CEP57L1: variants seen among roughly 807,000 people sequenced by gnomAD.
CEP57L1 encodes the protein centrosomal protein 57 like 1.
CEP57L1 carries 37 observed loss-of-function variants against 61.0 expected under a neutral mutation model. The observed-to-expected ratio is 0.61, with a 90% CI of 0.47 to 0.80. CEP57L1 has a LOEUF of 0.80. Ranked by LOEUF, CEP57L1 falls within the 30% of genes least tolerant of loss-of-function variation. The pLI is 0.00. For missense variants in CEP57L1, 422 were observed against 524.7 expected (o/e 0.80, Z 1.91); for synonymous variants, 137 against 162.3 (o/e 0.84, Z 1.19).
rs539277002 is a variant in CEP57L1, at chr6:109,153,684, G to T, written c.463-149G>T. On this transcript the variant is annotated intron_variant, in intron 4 of 10. Coordinates refer to ENST00000517392, the MANE Select transcript of CEP57L1 (RefSeq NM_001271852.3). ...TATTTGATTTTCTTGTTTTTTGCTT[G>T]TAAGCATCTAAAGTATGTGTGTTTG... The T allele has an allele frequency of 9.1e-6, 5 of 548,458 alleles. No homozygotes were observed. The Admixed American group carries it at 1.6e-4, about 17-fold the overall frequency. The allele number at this position is 548,458 out of a possible 1,614,324, so 34.0% of individuals were successfully genotyped here.
Position 109,164,968 on chromosome 6 carries a change from C to T in CEP57L1, c.*1998C>T, listed in dbSNP as rs1026493321. On this transcript the variant is annotated 3_prime_UTR_variant, in exon 11 of 11. Coordinates refer to ENST00000517392, the MANE Select transcript of CEP57L1 (RefSeq NM_001271852.3). ...TGGCGCATGCCTGTAATCCCAGCTA[C>T]TTGGGAGACTGAGGCAGGGGAATCG... 1.3e-5 allele frequency among the ~76,000 whole-genome samples: 2 copies of T among 151,424 alleles called. No homozygotes were observed. The highest frequency in any genetic ancestry group is 1.3e-4 in the Admixed American group (2 of 15,186).
chr6:109,102,648 T>A (rs1275187390), intron 1 of CEP57L1, among the ~76,000 whole-genome samples: 2 of 151,984 alleles, frequency 1.3e-5, no homozygotes, highest in Non-Finnish European at 2.9e-5. Context: ...ATCCATTTTT[T>A]AGTTTTTTTT....
intron 1 of CEP57L1, among the ~76,000 whole-genome samples, chr6:109,106,847 G>A (rs1262110596): frequency 6.6e-6 from 1 of 152,080 alleles, no homozygotes; most frequent in Non-Finnish European, 1.5e-5. Context: ...GGCTGAGGCG[G>A]GAAAATTTCT....
chr6:109,155,766 A>G (rs1378058489), intron 6 of CEP57L1, 25 bp from the exon 7 acceptor site: 2 of 1,206,998 alleles, frequency 1.7e-6, no homozygotes, highest in Non-Finnish European at 2.4e-6. Context: ...AATCAATGTT[A>G]TAACCTTTTT....
chr6:109,142,945 T>TGCTC (rs1771549157), intron 1 of CEP57L1, among the ~76,000 whole-genome samples: 1 of 34,640 alleles, frequency 2.9e-5, no homozygotes, highest in Non-Finnish European at 6.4e-5. Flanking sequence ...CTGTCTCTCT[T>TGCTC]GCTCTCTCTC....
chr6:109,145,419 T>G, intron 2 of CEP57L1, 38 bp downstream of exon 2: 1 of 1,418,584 alleles, frequency 7.0e-7, no homozygotes. Context: ...GGTAAAAACA[T>G]GCTATAAAAA....
chr6:109,158,456 C>T lies in CEP57L1; in HGVS notation c.745-569C>T, dbSNP rs147731203. 7.9e-3 allele frequency: 2,725 copies of T among 346,714 alleles called. 84 individuals carry two copies. Among genetic ancestry groups the T allele is most frequent in the African/African-American group, 0.056 (2,524 of 45,300 alleles). The allele number at this position is 346,714 out of a possible 1,614,324, so 21.5% of individuals were successfully genotyped here. The stretch of plus-strand genomic sequence containing the variant: ...GTGAGCCAAGATCATACCACTGCAC[C>T]CCAGTCTGGGTGACAGAATGAGACC... On this transcript the variant is annotated intron_variant, in intron 7 of 10. Transcript: ENST00000517392.
intron 1 of CEP57L1, among the ~76,000 whole-genome samples, chr6:109,139,026 A>G (rs145313433): frequency 2.0e-5 from 3 of 152,310 alleles, no homozygotes; most frequent in South Asian, 4.1e-4. Flanking sequence ...TCTCTCTGGC[A>G]TATCTAAATT....
chr6:109,146,711 G>A, intron 2 of CEP57L1, 47 bp from the exon 3 acceptor site: 1 of 1,280,376 alleles, frequency 7.8e-7, no homozygotes, highest in Non-Finnish European at 1.1e-6. Flanking sequence ...GATTGTAAGT[G>A]TTCAGAAACT....
intron 1 of CEP57L1, among the ~76,000 whole-genome samples, chr6:109,102,901 G>A (rs1770492196): frequency 6.6e-6 from 1 of 152,110 alleles, no homozygotes; most frequent in Admixed American, 6.6e-5. Context: ...TCAGGAAACC[G>A]GACTAACAGT....
chr6:109,141,065 C>T (rs2114833971), intron 1 of CEP57L1, among the ~76,000 whole-genome samples: 1 of 151,842 alleles, frequency 6.6e-6, no homozygotes, highest in East Asian at 2.0e-4. Flanking sequence ...CTCCTGACCT[C>T]GTAATCCGCC....
intron 1 of CEP57L1, among the ~76,000 whole-genome samples, chr6:109,131,312 A>G (rs1214134613): frequency 6.6e-6 from 1 of 152,130 alleles, no homozygotes; most frequent in East Asian, 1.9e-4. Context: ...TTAGGTTCTG[A>G]TACTTTTTCT....
At chr6:109,152,638 TGTGTG>T (rs1772754515) in intron 4 of CEP57L1, among the ~76,000 whole-genome samples, 1 of 160 alleles carries the variant, frequency 6.3e-3, no homozygotes, top group Non-Finnish European at 0.011. Context: ...TGTGCGTGCG[TGTGTG>T]TGTGTGTGTG....
rs1233031632 is a variant in CEP57L1, at chr6:109,169,032, C to T, written c.*6062C>T. On this transcript the variant is annotated 3_prime_UTR_variant, in exon 11 of 11. Coordinates refer to ENST00000517392, the MANE Select transcript of CEP57L1 (RefSeq NM_001271852.3). ...CCTGAGCTCAGGAGTTCAAGACCACCCTGGGCGACATGGTGAAATCCCATC... is the reference window on the plus strand; with the variant it reads ...CCTGAGCTCAGGAGTTCAAGACCACTCTGGGCGACATGGTGAAATCCCATC... Among the ~76,000 whole-genome samples the T allele has an allele frequency of 6.6e-6, 1 of 151,206 alleles. No individual in the cohort carries two copies. The highest frequency in any genetic ancestry group is 1.5e-5 in the Non-Finnish European group (1 of 67,754).
intron 1 of CEP57L1, among the ~76,000 whole-genome samples, chr6:109,141,069 A>G (rs1034652179): frequency 1.3e-4 from 20 of 151,512 alleles, no homozygotes; most frequent in African/African-American, 4.4e-4. Context: ...TGACCTCGTA[A>G]TCCGCCCGCC....
chr6:109,147,126 TCTTA>T (rs1349657527), intron 3 of CEP57L1, among the ~76,000 whole-genome samples, 189 bp downstream of exon 3: 2 of 152,154 alleles, frequency 1.3e-5, no homozygotes, highest in East Asian at 1.9e-4. Context: ...CTCTATCATA[TCTTA>T]CTTATCATAA....
chr6:109,125,919 A>G (rs980899396), intron 1 of CEP57L1, among the ~76,000 whole-genome samples: 1 of 152,152 alleles, frequency 6.6e-6, no homozygotes, highest in East Asian at 1.9e-4. Flanking sequence ...GCTTTACTTA[A>G]ATAAAATGAT....
intron 1 of CEP57L1, among the ~76,000 whole-genome samples, chr6:109,143,785 T>G (rs1771672720): frequency 6.6e-6 from 1 of 152,142 alleles, no homozygotes; most frequent in African/African-American, 2.4e-5. Context: ...TAGCAAAATT[T>G]CATTCTTTAT....
rs147829399 is a variant in CEP57L1, at chr6:109,146,875, C to T, written c.278C>T (p.Ala93Val). 6.2e-7 allele frequency: 1 copy of T among 1,608,934 alleles called. No homozygotes were observed. The highest frequency in any genetic ancestry group is 8.5e-7 in the Non-Finnish European group (1 of 1,177,800). The change falls in exon 3 of 11, where the codon GCC becomes GTC. Residue 93 changes from alanine to valine, a missense_variant. Transcript: ENST00000517392. Reference sequence around the variant, plus strand: ...AGAGAAGCAGCACAGTATAAGAAGGCCTTAGAGAATGAAACAAATGAGAGA... The same window carrying T: ...AGAGAAGCAGCACAGTATAAGAAGGTCTTAGAGAATGAAACAAATGAGAGA... ...LSREAAQYKK[A>V]LENETNERNL...
Sources: gnomAD v4.1 joint callset for allele counts (sites outside exome capture counted in the v4.1 genomes callset) on GRCh38, gnomAD v4.1.1 for gene constraint, MANE v1.5 for transcripts, NCBI Gene and HGNC (gene_info 2026-07-23, HGNC 2026-07-21) for gene names.